The following OVGP1 variants were observed in gnomAD, a reference collection of about 807,000 sequenced individuals.
The protein encoded by OVGP1 is oviductal glycoprotein 1.
Under a neutral mutation model 48.2 loss-of-function variants are expected in OVGP1, and 26 were observed. That is an observed-to-expected ratio of 0.54 (90% CI 0.40 to 0.75). The LOEUF (loss-of-function observed/expected upper bound fraction) is 0.75, where lower values mean the gene tolerates loss of function less well. OVGP1 is among the 30% of genes least tolerant of loss of function. The pLI, the probability that OVGP1 is intolerant of heterozygous loss-of-function variation, is 0.00. For synonymous variants in OVGP1, 294 were observed against 305.7 expected, an observed-to-expected ratio of 0.96 and a Z score of 0.40; for missense variants, 791 against 820.6, an observed-to-expected ratio of 0.96 and a Z score of 0.44.
intron 6 of OVGP1, among the ~76,000 whole-genome samples, chr1:111,422,601 T>C (rs1484157442): frequency 6.6e-6 from 1 of 152,198 alleles, no homozygotes; most frequent in Non-Finnish European, 1.5e-5. Flanking sequence ...TGTCTACAGA[T>C]ATACTCTGGG....
chr1:111,419,791 G>A, intron 8 of OVGP1, 65 bp from the exon 9 acceptor site: 3 of 938,352 alleles, frequency 3.2e-6, no homozygotes, highest in Non-Finnish European at 5.2e-6. Flanking sequence ...AGAGACAGTT[G>A]TTCCTTGCCC....
chr1:111,426,297 G>T, intron 3 of OVGP1, 140 bp downstream of exon 3: 2 of 1,139,768 alleles, frequency 1.8e-6, no homozygotes, highest in Non-Finnish European at 1.2e-6. Context: ...TCTCAAGTTG[G>T]GGGTGCTCTG....
At chr1:111,425,495 G>T (rs765157480) in intron 3 of OVGP1, 56 bp from the exon 4 acceptor site, 2 of 1,610,910 alleles carry the variant, frequency 1.2e-6, no homozygotes, top group Non-Finnish European at 1.7e-6. Context: ...GTGGGCAGCT[G>T]CTGCCACATT....
At chr1:111,419,866 G>GAGA (rs1348333414) in intron 8 of OVGP1, 140 bp from the exon 9 acceptor site, 4 of 631,228 alleles carry the variant, frequency 6.3e-6, no homozygotes, top group Non-Finnish European at 1.1e-5. Flanking sequence ...AGAGAGAATG[G>GAGA]AGAGGCCACT....
chr1:111,424,249 A>G (rs1373786489), intron 4 of OVGP1, among the ~76,000 whole-genome samples: 1 of 152,266 alleles, frequency 6.6e-6, no homozygotes, highest in Non-Finnish European at 1.5e-5. Context: ...TGTTCTGATA[A>G]CGGGATCCTG....
intron 2 of OVGP1, 70 bp downstream of exon 2, chr1:111,426,992 C>A (rs908135970): frequency 6.2e-7 from 1 of 1,612,398 alleles, no homozygotes; most frequent in African/African-American, 1.3e-5. Flanking sequence ...CTGCAGGGGA[C>A]ACTCAATGTG....
Position 111,414,608 on chromosome 1 carries a change from C to T in OVGP1, c.1893G>A (p.Pro631=), listed in dbSNP as rs751033954. The change falls in exon 11 of 11, where the codon CCG becomes CCA. Residue 631 remains proline (P), a synonymous_variant. Coordinates refer to ENST00000369732, the MANE Select transcript of OVGP1 (RefSeq NM_002557.4). ...MLSSSPVIQL[P]EQTPLAFDNR... ...TGTCAAAAGCTAGAGGAGTTTGTTC[C>T]GGGAGCTGGATGACGGGGCTGGAGG... 45 of 1,614,018 alleles carry T rather than the reference C, an allele frequency of 2.8e-5. No homozygotes were observed. In the Middle Eastern group the frequency reaches 4.9e-4, roughly 18 times the overall value.
chr1:111,426,900 CACAAACAGCA>C, intron 2 of OVGP1, 152 bp downstream of exon 2: 1 of 1,547,270 alleles, frequency 6.5e-7, no homozygotes, highest in East Asian at 2.4e-5. Flanking sequence ...CAGTCAGCGA[CACAAACAGCA>C]GGTGACCAAA....
Position 111,427,048 on chromosome 1 carries a change from C to T in OVGP1, c.55+14G>A. On this transcript the variant is annotated intron_variant, in intron 2 of 10. Coordinates refer to ENST00000369732, the MANE Select transcript of OVGP1 (RefSeq NM_002557.4). Reference sequence around the variant, plus strand: ...CTCTCCCTGGCTCTGGAAGGGAAAACACAGTTTCCTTACCATCGTGGTGTT... The same window carrying T: ...CTCTCCCTGGCTCTGGAAGGGAAAATACAGTTTCCTTACCATCGTGGTGTT... The T allele has an allele frequency of 1.9e-6, 3 of 1,612,238 alleles. No homozygotes were observed. The highest frequency in any genetic ancestry group is 1.1e-5 in the South Asian group (1 of 89,410).
chr1:111,424,692 C>G lies in OVGP1; in HGVS notation c.317+691G>C, dbSNP rs1418300384. On this transcript the variant is annotated intron_variant, in intron 4 of 10. Transcript: ENST00000369732. ...GCTGGGCAGAGCTAGTTCTCACCCC[C>G]CTGCCCTGAATCTTTCCTCCATCTT... 3.9e-5 allele frequency among the ~76,000 whole-genome samples: 6 copies of G among 152,200 alleles called. No homozygotes were observed. The South Asian group carries it at 6.2e-4, about 16-fold the overall frequency.
rs1652275015 is a variant in OVGP1, at chr1:111,421,672, G to A, written c.610C>T (p.Leu204Phe). ...TSYDVRFLGR[L>F]LDFINVLSYD... Reference sequence around the variant, plus strand: ...GACAAGACATTGATGAAATCCAGGAGTCTGTAAGGGGCAGGAGGAAGAGAT... The same window carrying A: ...GACAAGACATTGATGAAATCCAGGAATCTGTAAGGGGCAGGAGGAAGAGAT... Residue 204 changes from leucine to phenylalanine, a missense_variant and splice_region_variant, in exon 7 of 11, where the codon CTC (leucine) becomes TTC (phenylalanine). By Grantham distance (22) the Leu-to-Phe change is conservative. Transcript: ENST00000369732. 1 of 1,577,052 alleles carries A rather than the reference G, an allele frequency of 6.3e-7. No individual in the cohort carries two copies. The highest frequency in any genetic ancestry group is 1.3e-5 in the African/African-American group (1 of 74,274).
Position 111,415,107 on chromosome 1 carries a change from A to G in OVGP1, c.1394T>C (p.Val465Ala), listed in dbSNP as rs200302545. The G allele has an allele frequency of 2.3e-5, 37 of 1,614,170 alleles. No homozygotes were observed. In the African/African-American group the frequency reaches 4.4e-4, roughly 19 times the overall value. The change falls in exon 11 of 11, where the codon GTA (valine) becomes GCA (alanine). Residue 465 changes from valine to alanine, a missense_variant. Physicochemically the swap from Val to Ala is moderately conservative, Grantham distance 64. Coordinates refer to ENST00000369732, the MANE Select transcript of OVGP1 (RefSeq NM_002557.4). ...KETVSLGKHT[V>A]ALGEKTEITG... ...GATCTCAGTCTTCTCTCCTAGAGCT[A>G]CAGTGTGCTTTCCAAGGGATACAGT...
At chr1:111,416,127 A>G (rs761369774) in intron 10 of OVGP1, among the ~76,000 whole-genome samples, 196 bp downstream of exon 10, 1 of 152,232 alleles carries the variant, frequency 6.6e-6, no homozygotes, top group Non-Finnish European at 1.5e-5. Context: ...TTTAAATAGA[A>G]CAAAGGAAGC....
intron 5 of OVGP1, 41 bp from the exon 6 acceptor site, chr1:111,423,092 A>G (rs1652312968): frequency 6.2e-7 from 1 of 1,612,034 alleles, no homozygotes; most frequent in Admixed American, 1.7e-5. Flanking sequence ...CTGGACAAAC[A>G]GAGAGGCGGG....
Position 111,423,570 on chromosome 1 carries a change from G to T in OVGP1, c.456C>A (p.Asp152Glu). 1 of 1,614,146 alleles carries T rather than the reference G, an allele frequency of 6.2e-7. No individual in the cohort carries two copies. Among genetic ancestry groups the T allele is most frequent in the Non-Finnish European group, 8.5e-7 (1 of 1,180,018 alleles). The change falls in exon 5 of 11, where the codon GAC (aspartate) becomes GAA (glutamate). Residue 152 changes from aspartate (D) to glutamate (E), a missense_variant. Transcript: ENST00000369732. ...CAATTAAGAAGAGAAAAGTCCACCG[G>T]TCATGCATGGGGCTGCCTCTTAGTC... ...YPGLRGSPMHDRWTFLFLIEE... is the reference protein window; with the variant it reads ...YPGLRGSPMHERWTFLFLIEE...
At chr1:111,426,349 G>C in intron 3 of OVGP1, 88 bp downstream of exon 3, 2 of 1,580,666 alleles carry the variant, frequency 1.3e-6, no homozygotes, top group Non-Finnish European at 1.7e-6. Context: ...AGAAATAGAA[G>C]AAAGTTGAAG....
Position 111,423,569 on chromosome 1 carries a change from G to A in OVGP1, c.457C>T (p.Arg153Trp), listed in dbSNP as rs753225834. The A allele has an allele frequency of 2.2e-5, 36 of 1,614,110 alleles. No homozygotes were observed. The highest frequency in any genetic ancestry group is 2.0e-4 in the East Asian group (9 of 44,890). The change falls in exon 5 of 11, where the codon CGG (arginine) becomes TGG (tryptophan). Residue 153 changes from arginine (R) to tryptophan (W), a missense_variant. By Grantham distance (101) the Arg-to-Trp change is moderately radical (BLOSUM62 -3). Coordinates refer to ENST00000369732, the MANE Select transcript of OVGP1 (RefSeq NM_002557.4). ...PGLRGSPMHD[R>W]WTFLFLIEEL... ...TCAATTAAGAAGAGAAAAGTCCACC[G>A]GTCATGCATGGGGCTGCCTCTTAGT...
At position 111,414,693 on chromosome 1, in the gene OVGP1, G is replaced by A. The variant is rs149820236; in HGVS notation, c.1808C>T (p.Thr603Ile). 1,183 of 1,614,016 alleles carry A rather than the reference G, an allele frequency of 7.3e-4. 7 individuals are homozygous for A. In the African/African-American group the frequency reaches 0.014, roughly 18 times the overall value. ...RGENLTSEVG[T>I]HPRMGNLGLQ... ...ACCCAAGTTACCCATCCTGGGGTGA[G>A]TGCCCACCTCAGAAGTCAAATTCTC... is the stretch of plus-strand genomic sequence containing the variant. The change falls in exon 11 of 11, where the codon ACT becomes ATT. Residue 603 changes from threonine to isoleucine, a missense_variant. By Grantham distance (89) the Thr-to-Ile change is moderately conservative. Transcript: ENST00000369732.
chr1:111,423,454 C>T (rs1383231258), intron 5 of OVGP1, 89 bp downstream of exon 5: 5 of 1,381,366 alleles, frequency 3.6e-6, no homozygotes, highest in African/African-American at 2.9e-5. Flanking sequence ...CTGCCCCTGG[C>T]CCTGGACTTA....
Sources: gnomAD v4.1 joint callset for allele counts (sites outside exome capture counted in the v4.1 genomes callset) on GRCh38, gnomAD v4.1.1 for gene constraint, MANE v1.5 for transcripts, NCBI Gene and HGNC (gene_info 2026-07-23, HGNC 2026-07-21) for gene names.